The following RNASET2 variants were observed in gnomAD, a reference collection of about 807,000 sequenced individuals.
The protein encoded by RNASET2 is ribonuclease 6.
RNASET2 carries 28 observed loss-of-function variants against 33.9 expected under a neutral mutation model. The ratio of observed to expected loss-of-function variants is 0.83; its 90% CI spans 0.61 to 1.13. The LOEUF (loss-of-function observed/expected upper bound fraction) is 1.13. Ranked by LOEUF, RNASET2 falls within the 50% of genes most tolerant of loss-of-function variation. The pLI is 0.00. For synonymous variants in RNASET2, 123 were observed against 121.0 expected, an observed-to-expected ratio of 1.02 and a Z score of -0.11; for missense variants, 330 against 319.9, an observed-to-expected ratio of 1.03 and a Z score of -0.24.
intron 2 of RNASET2, among the ~76,000 whole-genome samples, chr6:166,949,500 C>CAAAAA (rs61621125): frequency 2.8e-3 from 124 of 44,274 alleles, no homozygotes; most frequent in Middle Eastern, 0.016. Context: ...GACTCCATCT[C>CAAAAA]AAAAAAAAAA....
intron 6 of RNASET2, among the ~76,000 whole-genome samples, chr6:166,937,416 C>T (rs1778594617): frequency 6.6e-6 from 1 of 152,192 alleles, no homozygotes; most frequent in Admixed American, 6.5e-5. Flanking sequence ...GGATTACATG[C>T]ATGAGCCACC....
chr6:166,955,983 A>C (rs1170626879), intron 1 of RNASET2, 114 bp downstream of exon 1: 1 of 1,120,218 alleles, frequency 8.9e-7, no homozygotes. Context: ...CGCCCTCCCC[A>C]GTCGCTGCCC....
rs559551376 is a variant in RNASET2 at position 166,940,017 on chromosome 6, T to C, written c.333-1009A>G. 8.5e-5 allele frequency among the ~76,000 whole-genome samples: 13 copies of C among 152,380 alleles called. No individual in the cohort carries two copies. The Middle Eastern group carries it at 0.01, about 120-fold the overall frequency. The stretch of plus-strand genomic sequence containing the variant: ...AGCCCAGAAGGGCCAGGGGACTTGC[T>C]GAAGGTCACTCAGAGCCTGCCCTTG... On this transcript the variant is annotated intron_variant, in intron 5 of 8. Transcript: ENST00000508775.
chr6:166,926,927 C>G lies in RNASET2; in HGVS notation c.*2661G>C, dbSNP rs920601705. Among the ~76,000 whole-genome samples the G allele has an allele frequency of 7.2e-5, 11 of 152,208 alleles. No individual in the cohort carries two copies. The highest frequency in any genetic ancestry group is 1.6e-4 in the Non-Finnish European group (11 of 68,040). On this transcript the variant is annotated 3_prime_UTR_variant, in exon 9 of 9. Transcript: ENST00000508775. ...GCCAGCTGCCCCTCCTGGCTGCTCTCCATCCTGAGATGCGCCTGCTCCTTT... is the reference window on the plus strand; with the variant it reads ...GCCAGCTGCCCCTCCTGGCTGCTCTGCATCCTGAGATGCGCCTGCTCCTTT...
chr6:166,949,422 A>C (rs1439941246), intron 2 of RNASET2, among the ~76,000 whole-genome samples: 1 of 140,074 alleles, frequency 7.1e-6, no homozygotes, highest in East Asian at 2.2e-4. Context: ...AATAGCTTGA[A>C]CCCGGGAGGC....
chr6:166,941,255 T>A lies in RNASET2; in HGVS notation c.332+1764A>T, dbSNP rs900298363. Among the ~76,000 whole-genome samples, 3 of 152,214 alleles carry A rather than the reference T, an allele frequency of 2.0e-5. No homozygotes were observed. In the East Asian group the frequency reaches 5.8e-4, roughly 29 times the overall value. ...TTATCAGAGCCCAAAAATAAATGCA[T>A]ACTGTGCCCACACTGTTTTGATTAA... On this transcript the variant is annotated intron_variant, in intron 5 of 8. Transcript: ENST00000508775.
At chr6:166,944,346 C>T (rs1418535258) in intron 4 of RNASET2, among the ~76,000 whole-genome samples, 2 of 151,954 alleles carry the variant, frequency 1.3e-5, no homozygotes, top group Non-Finnish European at 2.9e-5. Flanking sequence ...CTTCACTTTC[C>T]TTCCCTTTCT....
At chr6:166,934,988 A>G (rs539186979) in intron 6 of RNASET2, 4 of 152,358 alleles carry the variant, frequency 2.6e-5, no homozygotes, top group Non-Finnish European at 5.9e-5. Flanking sequence ...TTCCCCATCA[A>G]GCCTTGGTAG....
Position 166,956,490 on chromosome 6 carries a change from A to C in RNASET2, c.-308T>G. The stretch of plus-strand genomic sequence containing the variant: ...GGGCTCTGCTTCGCGACCCACAGCG[A>C]CCCCAGCTCCTCCACGCTGCAGCCG... On this transcript the variant is annotated 5_prime_UTR_variant, in exon 1 of 9. Coordinates refer to ENST00000508775, the MANE Select transcript of RNASET2 (RefSeq NM_003730.6). 2.3e-6 allele frequency: 1 copy of C among 432,592 alleles called. No homozygotes were observed. The highest frequency in any genetic ancestry group is 4.2e-6 in the Non-Finnish European group (1 of 238,350). The allele number at this position is 432,592 out of a possible 1,614,324, so 26.8% of individuals were successfully genotyped here.
chr6:166,946,256 GCT>G (rs1778839896), intron 4 of RNASET2, among the ~76,000 whole-genome samples: 1 of 152,272 alleles, frequency 6.6e-6, no homozygotes, highest in African/African-American at 2.4e-5. Context: ...CCAGGCCTGT[GCT>G]CTCTGAGCCT....
intron 1 of RNASET2, chr6:166,953,057 T>C (rs1035365819): frequency 4.8e-6 from 1 of 206,500 alleles, no homozygotes; most frequent in African/African-American, 2.3e-5. Flanking sequence ...AGACTTCACT[T>C]GCTTCTCTGC....
At chr6:166,941,335 G>C (rs1341216410) in intron 5 of RNASET2, among the ~76,000 whole-genome samples, 2 of 152,148 alleles carry the variant, frequency 1.3e-5, no homozygotes, top group African/African-American at 2.4e-5. Flanking sequence ...TTTATTTTAA[G>C]CCATTTAGCT....
rs546247226 is a variant in RNASET2, at chr6:166,936,228, C to CTGAA, written c.447-2096_447-2093dup. Among the ~76,000 whole-genome samples the CTGAA allele has an allele frequency of 5.7e-3, 868 of 152,220 alleles. 4 individuals are homozygous for CTGAA. Among genetic ancestry groups the CTGAA allele is most frequent in the Non-Finnish European group, 8.6e-3 (585 of 68,006 alleles). On this transcript the variant is annotated intron_variant, in intron 6 of 8. Coordinates refer to ENST00000508775, the MANE Select transcript of RNASET2 (RefSeq NM_003730.6). ...CTGGCAGGCCCTCAGTGAACATTTA[C>CTGAA]TGAATGAATGAATGAATGAATGAAT...
Position 166,934,099 on chromosome 6 carries a change from A to G in RNASET2, c.484T>C (p.Tyr162His). 6.2e-7 allele frequency: 1 copy of G among 1,610,006 alleles called. No individual in the cohort carries two copies. The highest frequency in any genetic ancestry group is 8.5e-7 in the Non-Finnish European group (1 of 1,176,310). The change falls in exon 7 of 9, where the codon TAC becomes CAC. Residue 162 changes from tyrosine (Y) to histidine (H), a missense_variant. Physicochemically the swap from Tyr to His is moderately conservative, Grantham distance 83 (BLOSUM62 2). Transcript: ENST00000508775. Reference protein sequence around the residue: ...LKLGIKPSINYYQVADFKDAL... With the variant: ...LKLGIKPSINHYQVADFKDAL... ...GCAAAAGCAAGACTTACTTGGTAGT[A>G]ATTGATGGATGGTTTTATCCCCAAT...
chr6:166,934,030 A>G (rs1411016808), intron 7 of RNASET2, 61 bp downstream of exon 7: 1 of 1,237,444 alleles, frequency 8.1e-7, no homozygotes, highest in Non-Finnish European at 1.2e-6. Flanking sequence ...AGAGGCTGAA[A>G]CGGCCCTACT....
At position 166,931,110 on chromosome 6, in the gene RNASET2, A is replaced by C. The variant is rs1233095538; in HGVS notation, c.501T>G (p.Asp167Glu). 1.4e-5 allele frequency: 22 copies of C among 1,605,086 alleles called. No individual in the cohort carries two copies. The highest frequency in any genetic ancestry group is 1.7e-5 in the Non-Finnish European group (20 of 1,171,860). Residue 167 changes from aspartate to glutamate, a missense_variant, in exon 8 of 9, where the codon GAT becomes GAG. Transcript: ENST00000508775. ...ATACTCTGGCAAGGGCATCTTTAAA[A>C]TCTGCAACCTGATTTTAAATACAAG... ...KPSINYYQVA[D>E]FKDALARVYG...
chr6:166,930,931 A>G, intron 8 of RNASET2, 113 bp downstream of exon 8: 1 of 813,128 alleles, frequency 1.2e-6, no homozygotes, highest in Non-Finnish European at 2.2e-6. Context: ...ATACAGACAC[A>G]AATGCACAAA....
Position 166,923,667 on chromosome 6 carries a change from TC to T in RNASET2, c.*5920del, listed in dbSNP as rs1778266111. On this transcript the variant is annotated 3_prime_UTR_variant, in exon 9 of 9. Transcript: ENST00000508775. ...AAAAAATGACATAAAACTGCATTTCTCATCATCTGTCAGAGATTTTGCTTCA... is the reference window on the plus strand; with the variant it reads ...AAAAAATGACATAAAACTGCATTTCTATCATCTGTCAGAGATTTTGCTTCA... 6.6e-6 allele frequency among the ~76,000 whole-genome samples: 1 copy of T among 152,218 alleles called. No homozygotes were observed. The highest frequency in any genetic ancestry group is 6.5e-5 in the Admixed American group (1 of 15,286).
At chr6:166,947,465 A>C (rs1288234696) in intron 3 of RNASET2, among the ~76,000 whole-genome samples, 7 of 152,130 alleles carry the variant, frequency 4.6e-5, no homozygotes, top group Admixed American at 4.6e-4. Flanking sequence ...AGCATGTGAA[A>C]CCTGCCTGAT....
Sources: gnomAD v4.1 joint callset for allele counts (sites outside exome capture counted in the v4.1 genomes callset) on GRCh38, gnomAD v4.1.1 for gene constraint, MANE v1.5 for transcripts, NCBI Gene and HGNC (gene_info 2026-07-23, HGNC 2026-07-21) for gene names.